PREX1: variants seen among roughly 807,000 people sequenced by gnomAD.
PREX1 encodes the protein phosphatidylinositol 3,4,5-trisphosphate-dependent Rac exchanger 1 protein.
PREX1 carries 41 observed loss-of-function variants against 198.3 expected under a neutral mutation model. The observed-to-expected ratio is 0.21, with a 90% CI of 0.16 to 0.27. The LOEUF (loss-of-function observed/expected upper bound fraction) is 0.27. Among genes scored for constraint, PREX1 ranks in the 10% least tolerant of loss-of-function variants. The pLI, the probability that PREX1 is intolerant of heterozygous loss-of-function variation, is 1.00. For synonymous variants in PREX1, 843 were observed against 887.2 expected, an observed-to-expected ratio of 0.95 and a Z score of 0.89; for missense variants, 1,620 against 2,200.7, an observed-to-expected ratio of 0.74 and a Z score of 5.28.
At position 48,727,685 on chromosome 20, in the gene PREX1, C is replaced by T. The variant is rs185686391; in HGVS notation, c.520-1294G>A. On this transcript the variant is annotated intron_variant, in intron 4 of 39. Transcript: ENST00000371941. ...CACAGAGCTGGGACCTAGAGCCAGG[C>T]GGGTTGACACCGAGTCTGGGATTGA... Among the ~76,000 whole-genome samples the T allele has an allele frequency of 7.2e-4, 110 of 152,210 alleles. 1 individual carries two copies. Among genetic ancestry groups the T allele is most frequent in the Middle Eastern group, 6.8e-3 (2 of 294 alleles).
chr20:48,651,365 T>A, intron 22 of PREX1, 31 bp downstream of exon 22: 3 of 1,567,092 alleles, frequency 1.9e-6, no homozygotes, highest in Non-Finnish European at 2.6e-6. Flanking sequence ...TCCCCCAGGG[T>A]AGGGCAGGGC....
intron 1 of PREX1, among the ~76,000 whole-genome samples, chr20:48,778,750 G>A (rs6090906): frequency 0.35 from 52,822 of 152,144 alleles, 9,870 homozygotes; most frequent in Admixed American, 0.43. Flanking sequence ...AGGCAATTCC[G>A]TAGAGAAAGG....
intron 1 of PREX1, among the ~76,000 whole-genome samples, chr20:48,776,146 C>A (rs1601129109): frequency 6.6e-6 from 1 of 152,242 alleles, no homozygotes; most frequent in South Asian, 2.1e-4. Flanking sequence ...CCCCTCACCC[C>A]CTGAGGCTTA....
chr20:48,741,746 C>T (rs1220416714), intron 3 of PREX1, among the ~76,000 whole-genome samples: 1 of 152,152 alleles, frequency 6.6e-6, no homozygotes, highest in East Asian at 1.9e-4. Flanking sequence ...GGCATGGAGG[C>T]CTTTGCGGAG....
chr20:48,838,750 A>G, the PREX1 span, among the ~76,000 whole-genome samples: 1 of 152,178 alleles, frequency 6.6e-6, no homozygotes, highest in African/African-American at 2.4e-5. Flanking sequence ...GCAAGGGGCC[A>G]GGCACAGTGC....
the PREX1 span, among the ~76,000 whole-genome samples, chr20:48,866,817 T>C: frequency 6.6e-6 from 1 of 152,010 alleles, no homozygotes; most frequent in Non-Finnish European, 1.5e-5. Flanking sequence ...TGGTCCTAGC[T>C]ACTTAGGAGG....
upstream of PREX1, among the ~76,000 whole-genome samples, chr20:48,831,951 C>A (rs1268256176): frequency 1.3e-5 from 2 of 152,170 alleles, no homozygotes; most frequent in African/African-American, 4.8e-5. Context: ...TGGAGTAGAT[C>A]TCTTCCTATC....
At chr20:48,856,957 A>G in the PREX1 span, among the ~76,000 whole-genome samples, 4 of 152,176 alleles carry the variant, frequency 2.6e-5, no homozygotes, top group African/African-American at 7.2e-5. Context: ...CTCCTGCCTC[A>G]GCCTCCCGAG....
At chr20:48,692,457 G>A (rs1474849864) in intron 8 of PREX1, 7 of 460,916 alleles carry the variant, frequency 1.5e-5, no homozygotes, top group Non-Finnish European at 2.4e-5. Flanking sequence ...AGAAGGCATT[G>A]CAAGGAGGAA....
At chr20:48,836,402 A>G in the PREX1 span, among the ~76,000 whole-genome samples, 1 of 152,186 alleles carries the variant, frequency 6.6e-6, no homozygotes, top group Non-Finnish European at 1.5e-5. Flanking sequence ...CAGCCAGTGA[A>G]TGGAGGCTGG....
Position 48,699,184 on chromosome 20 carries a change from A to C in PREX1, c.917+1569T>G, listed in dbSNP as rs150130652. ...CAGACAGACAAGGAAACTGAGGCTC[A>C]GAGACGGTCAGTGGCATGGCCTAGG... is the stretch of plus-strand genomic sequence containing the variant. On this transcript the variant is annotated intron_variant, in intron 7 of 39. Transcript: ENST00000371941. 4.6e-5 allele frequency among the ~76,000 whole-genome samples: 7 copies of C among 152,314 alleles called. No individual in the cohort carries two copies. The East Asian group carries it at 1.4e-3, about 29-fold the overall frequency.
rs116528038 is a variant in PREX1, at chr20:48,804,970, G to A, written c.219+22672C>T. Among the ~76,000 whole-genome samples the A allele has an allele frequency of 5.9e-3, 894 of 152,270 alleles. 8 individuals carry two copies. The highest frequency in any genetic ancestry group is 0.02 in the African/African-American group (828 of 41,536). ...GATGTCGGGTCATCATCTAGAGGTC[G>A]GGACAGAGGTCAGGGCAAGGAATAT... On this transcript the variant is annotated intron_variant, in intron 1 of 39. Transcript: ENST00000371941.
intron 1 of PREX1, among the ~76,000 whole-genome samples, chr20:48,807,179 A>G (rs958969305): frequency 4.6e-5 from 7 of 152,174 alleles, no homozygotes; most frequent in Non-Finnish European, 1.0e-4. Context: ...TACAAAGATA[A>G]AGTGAAAATT....
the PREX1 span, among the ~76,000 whole-genome samples, chr20:48,875,155 T>C: frequency 7.7e-4 from 117 of 152,302 alleles, 2 homozygotes; most frequent in Non-Finnish European, 7.4e-5. Flanking sequence ...CGGTGTGACA[T>C]GAGTGTGCGC....
At chr20:48,661,444 A>AAAAAAAAAAAAAAAAAAATATAT (rs1555832820) in intron 15 of PREX1, among the ~76,000 whole-genome samples, 1 of 49,596 alleles carries the variant, frequency 2.0e-5, no homozygotes, top group Non-Finnish European at 3.1e-5. Flanking sequence ...AAAAAAAAAA[A>AAAAAAAAAAAAAAAAAAATATAT]ATATATATAT....
At position 48,781,816 on chromosome 20, in the gene PREX1, T is replaced by C. The variant is rs116571638; in HGVS notation, c.220-33936A>G. Among the ~76,000 whole-genome samples the C allele has an allele frequency of 2.1e-3, 315 of 152,294 alleles. 3 individuals are homozygous for C. The highest frequency in any genetic ancestry group is 6.6e-3 in the African/African-American group (276 of 41,556). ...GTCTAGCTATGAATTTGCTACGAAT[T>C]TGCATGCCCTCATGACCCAGTCACC... On this transcript the variant is annotated intron_variant, in intron 1 of 39. Transcript: ENST00000371941.
At chr20:48,757,645 G>A (rs1174628688) in intron 1 of PREX1, among the ~76,000 whole-genome samples, 8 of 152,244 alleles carry the variant, frequency 5.3e-5, no homozygotes, top group East Asian at 1.9e-4. Flanking sequence ...CTCTGCCCAC[G>A]GTGGGAGCCC....
At chr20:48,868,958 C>T in the PREX1 span, among the ~76,000 whole-genome samples, 1 of 150,202 alleles carries the variant, frequency 6.7e-6, no homozygotes, top group East Asian at 2.0e-4. Context: ...CTCATTGCAG[C>T]CTCGACCTCT....
rs1302009672 is a variant in PREX1, at chr20:48,625,919, C to T, written c.4946G>A (p.Arg1649His). 6 of 1,560,098 alleles carry T rather than the reference C, an allele frequency of 3.8e-6. No individual in the cohort carries two copies. The highest frequency in any genetic ancestry group is 1.4e-5 in the African/African-American group (1 of 71,138). The change falls in exon 40 of 40, where the codon CGC (arginine) becomes CAC (histidine). Residue 1649 changes from arginine (R) to histidine (H), a missense_variant. By Grantham distance (29) the Arg-to-His change is conservative. This residue lies in a region of PREX1 where 476 missense variants were observed against 603.4 expected (regional missense o/e 0.79). Transcript: ENST00000371941. ...QMPQGAPRLY[R>H]LCQPPVDGDL ...CCCATCCACCGGCGGCTGGCAGAGG[C>T]GGTAGAGGCTGGGGATGGAGGCAAA...
Sources: allele counts gnomAD v4.1 joint callset (sites outside exome capture counted in the v4.1 genomes callset), GRCh38; gene constraint gnomAD v4.1.1; regional missense constraint gnomAD v4.1.1; transcripts MANE v1.5; gene names NCBI Gene and HGNC (gene_info 2026-07-23, HGNC 2026-07-21).